INPP4B: variants seen among roughly 807,000 people sequenced by gnomAD.
The protein encoded by INPP4B is inositol polyphosphate-4-phosphatase type II B.
Under a neutral mutation model 122.5 loss-of-function variants are expected in INPP4B, and 55 were observed. The ratio of observed to expected loss-of-function variants is 0.45; its 90% CI spans 0.36 to 0.56. The LOEUF is 0.56. Among genes scored for constraint, INPP4B ranks in the 20% least tolerant of loss-of-function variants. The pLI is 0.00. For missense variants in INPP4B, 1,000 were observed against 1,097.7 expected, an observed-to-expected ratio of 0.91 and a Z score of 1.26; for synonymous variants, 403 against 388.7, an observed-to-expected ratio of 1.04 and a Z score of -0.43.
chr4:142,637,514 T>C (rs1749435319), intron 2 of INPP4B, among the ~76,000 whole-genome samples: 1 of 152,232 alleles, frequency 6.6e-6, no homozygotes, highest in Non-Finnish European at 1.5e-5. Flanking sequence ...CCATGTATTG[T>C]CATGGCTTGA....
chr4:142,837,660 AC>A (rs1188370611), intron 1 of INPP4B, among the ~76,000 whole-genome samples: 2 of 152,130 alleles, frequency 1.3e-5, no homozygotes, highest in Admixed American at 1.3e-4. Flanking sequence ...CAATTAACAA[AC>A]TTTAAAAAAA....
At chr4:142,698,816 C>A (rs79623054) in intron 2 of INPP4B, among the ~76,000 whole-genome samples, 1 of 152,098 alleles carries the variant, frequency 6.6e-6, no homozygotes, top group African/African-American at 2.4e-5. Flanking sequence ...AGCAAGAAGG[C>A]CTTCAGGAAC....
At chr4:142,802,681 A>G (rs987821572) in intron 1 of INPP4B, among the ~76,000 whole-genome samples, 2 of 152,132 alleles carry the variant, frequency 1.3e-5, no homozygotes, top group Non-Finnish European at 2.9e-5. Flanking sequence ...TTACCTTGAA[A>G]GCACAGGCTA....
intron 18 of INPP4B, among the ~76,000 whole-genome samples, chr4:142,135,144 G>T (rs1355419235): frequency 6.6e-6 from 1 of 152,108 alleles, no homozygotes; most frequent in Non-Finnish European, 1.5e-5. Context: ...CAACAGCAAT[G>T]GTAGATCCAT....
intron 2 of INPP4B, among the ~76,000 whole-genome samples, chr4:142,690,365 A>G (rs1056173060): frequency 1.3e-5 from 2 of 152,224 alleles, no homozygotes; most frequent in African/African-American, 4.8e-5. Flanking sequence ...TAGAAGATGC[A>G]GTGAGAAAAA....
chr4:142,422,169 AT>A (rs1267364767), intron 5 of INPP4B, among the ~76,000 whole-genome samples: 12 of 152,236 alleles, frequency 7.9e-5, no homozygotes, highest in African/African-American at 2.9e-4. Context: ...TACCAGTTTA[AT>A]TCTAAGTTTT....
rs1737025945 is a variant in INPP4B, at chr4:142,026,447, T to C, written c.*2335A>G. 1 of 152,166 alleles carries C rather than the reference T, an allele frequency of 6.6e-6. No individual in the cohort carries two copies. The highest frequency in any genetic ancestry group is 1.5e-5 in the Non-Finnish European group (1 of 68,042). 9.4% of individuals were successfully genotyped at this position (152,166 alleles called of 1,614,324 possible). A position where few individuals can be genotyped will look rare whatever the true frequency, so the allele number is the denominator to read the frequency against. ...TTTGTATTACAGTAAGCACTATAAT[T>C]TGAGACTTCTATATTATTCATTTAT... On this transcript the variant is annotated 3_prime_UTR_variant, in exon 26 of 26. Coordinates refer to ENST00000262992, the MANE Select transcript of INPP4B (RefSeq NM_001101669.3).
intron 7 of INPP4B, among the ~76,000 whole-genome samples, chr4:142,335,768 C>T (rs1408674442): frequency 6.6e-6 from 1 of 152,216 alleles, no homozygotes; most frequent in Non-Finnish European, 1.5e-5. Flanking sequence ...AACCTGCATA[C>T]TCACATAGGT....
intron 25 of INPP4B, among the ~76,000 whole-genome samples, chr4:142,034,985 T>G (rs943517777): frequency 3.9e-5 from 6 of 152,024 alleles, no homozygotes; most frequent in Non-Finnish European, 8.8e-5. Flanking sequence ...TAGTTTGCCC[T>G]CCTCACTTCT....
Position 142,835,306 on chromosome 4 carries a change from TAA to T in INPP4B, c.-254+10901_-254+10902del, listed in dbSNP as rs554569610. On this transcript the variant is annotated intron_variant, in intron 1 of 25. Transcript: ENST00000262992. ...GTAGGGCCCACTAGCCTGAGATAAA[TAA>T]GTCTCAGCTTCAGGATAAACCACAG... Among the ~76,000 whole-genome samples the T allele has an allele frequency of 1.8e-4, 28 of 152,278 alleles. No individual in the cohort carries two copies. The East Asian group carries it at 5.2e-3, about 28-fold the overall frequency.
chr4:142,806,812 A>AAAGAAAGG, intron 1 of INPP4B, among the ~76,000 whole-genome samples: 1 of 149,214 alleles, frequency 6.7e-6, no homozygotes, highest in Non-Finnish European at 1.5e-5. Flanking sequence ...AGAAAGAAAG[A>AAAGAAAGG]AAGAAAGAAA....
intron 2 of INPP4B, among the ~76,000 whole-genome samples, chr4:142,666,143 G>T (rs1472810160): frequency 6.6e-6 from 1 of 152,070 alleles, no homozygotes; most frequent in African/African-American, 2.4e-5. Flanking sequence ...GTATATATCT[G>T]TGTGTGTATA....
intron 23 of INPP4B, among the ~76,000 whole-genome samples, chr4:142,087,646 G>T (rs1166093972): frequency 2.6e-5 from 4 of 152,180 alleles, no homozygotes; most frequent in Admixed American, 2.6e-4. Context: ...TGAAGAAATA[G>T]ATGATGTCTT....
chr4:142,214,968 A>C (rs1305425401), intron 12 of INPP4B, among the ~76,000 whole-genome samples: 1 of 152,234 alleles, frequency 6.6e-6, no homozygotes. Context: ...AATATGTTAG[A>C]GGTGTAGCAA....
At chr4:142,083,443 C>T (rs1775151982) in intron 24 of INPP4B, among the ~76,000 whole-genome samples, 1 of 152,060 alleles carries the variant, frequency 6.6e-6, no homozygotes, top group African/African-American at 2.4e-5. Flanking sequence ...GTCTTCTATC[C>T]CATGGTAGGG....
intron 5 of INPP4B, among the ~76,000 whole-genome samples, chr4:142,409,499 T>TAATAAATA (rs10524814): frequency 0.11 from 16,002 of 150,392 alleles, 965 homozygotes; most frequent in Middle Eastern, 0.22. Context: ...TCTCAAAAAA[T>TAATAAATA]AATAAATAAA....
intron 2 of INPP4B, among the ~76,000 whole-genome samples, chr4:142,631,666 A>T (rs1387562762): frequency 5.3e-5 from 8 of 152,174 alleles, no homozygotes; most frequent in Admixed American, 5.2e-4. Context: ...AAAATTAAAG[A>T]TGAAGAAAAT....
chr4:142,610,475 A>G (rs923116243), intron 2 of INPP4B, among the ~76,000 whole-genome samples: 1 of 152,174 alleles, frequency 6.6e-6, no homozygotes, highest in Non-Finnish European at 1.5e-5. Flanking sequence ...CAACACTGTT[A>G]AGATTGTATA....
intron 3 of INPP4B, among the ~76,000 whole-genome samples, chr4:142,441,947 T>C (rs1811822143): frequency 6.6e-6 from 1 of 151,662 alleles, no homozygotes; most frequent in Non-Finnish European, 1.5e-5. Flanking sequence ...ATCCAGGTGG[T>C]ACAATCCACT....
Sources: gnomAD v4.1 joint callset for allele counts (sites outside exome capture counted in the v4.1 genomes callset) on GRCh38, gnomAD v4.1.1 for gene constraint, MANE v1.5 for transcripts, NCBI Gene and HGNC (gene_info 2026-07-23, HGNC 2026-07-21) for gene names.